The following GLB1 variants were observed in gnomAD, a reference collection of about 807,000 sequenced individuals.
GLB1 encodes the protein galactosidase beta 1, also known as beta-galactosidase.
A neutral mutation model predicts 74.0 loss-of-function variants in GLB1; 56 were observed. The ratio of observed to expected loss-of-function variants is 0.76; its 90% CI spans 0.61 to 0.94. GLB1 has a LOEUF of 0.94. GLB1 is among the 40% of genes least tolerant of loss of function. GLB1 has a pLI of 0.00. For missense variants in GLB1, 787 were observed against 845.5 expected (o/e 0.93, Z 0.86); for synonymous variants, 323 against 323.6 (o/e 1.00, Z 0.02).
intron 15 of GLB1, among the ~76,000 whole-genome samples, chr3:33,008,201 G>T (rs1387876471): frequency 6.6e-6 from 1 of 152,126 alleles, no homozygotes; most frequent in African/African-American, 2.4e-5. Flanking sequence ...GAGGGATCGA[G>T]GGAACAAGAA....
At chr3:33,020,657 T>A (rs1697429957) in intron 12 of GLB1, among the ~76,000 whole-genome samples, 1 of 152,210 alleles carries the variant, frequency 6.6e-6, no homozygotes, top group Non-Finnish European at 1.5e-5. Flanking sequence ...TGTGTGATTA[T>A]GGATTGGAAA....
At position 33,093,256 on chromosome 3, in the gene GLB1, G is replaced by C. The variant is rs199671218; in HGVS notation, c.75+3755C>G. 5.6e-6 allele frequency: 9 copies of C among 1,614,036 alleles called. No individual in the cohort carries two copies. The highest frequency in any genetic ancestry group is 1.7e-5 in the Admixed American group (1 of 60,006). On this transcript the variant is annotated intron_variant, in intron 1 of 15. Transcript: ENST00000307363. The surrounding 1 kb of genome is among the most constrained non-coding windows in gnomAD (Gnocchi z 6.0). ...CCACTGCCACTGCCACCACCACCAC[G>C]TTGGGCCCGTGTGGCGGAAATCTTC...
chr3:33,005,546 C>G (rs1696750779), intron 15 of GLB1, among the ~76,000 whole-genome samples: 1 of 152,142 alleles, frequency 6.6e-6, no homozygotes, highest in Non-Finnish European at 1.5e-5. Context: ...GTTTTACATA[C>G]TCTTTTCTGG....
At chr3:33,092,500 T>C in intron 1 of GLB1, 1 of 1,078,316 alleles carries the variant, frequency 9.3e-7, no homozygotes, top group Non-Finnish European at 1.1e-6. Flanking sequence ...TATGCCTTTC[T>C]AGCAACCCCG....
At chr3:32,984,309 A>AG in the GLB1 span, among the ~76,000 whole-genome samples, 3 of 151,838 alleles carry the variant, frequency 2.0e-5, no homozygotes, top group African/African-American at 4.9e-5. Flanking sequence ...GGCGTTGCTC[A>AG]GGGGGGAATT....
intron 10 of GLB1, among the ~76,000 whole-genome samples, chr3:33,041,387 C>A (rs1698492076): frequency 6.6e-6 from 1 of 152,146 alleles, no homozygotes; most frequent in Non-Finnish European, 1.5e-5. Context: ...TGAGGCCGGG[C>A]ATGGTGGCTC....
chr3:32,997,021 C>T lies in GLB1; in HGVS notation c.*24G>A. On this transcript the variant is annotated 3_prime_UTR_variant, in exon 16 of 16. Coordinates refer to ENST00000307363, the MANE Select transcript of GLB1 (RefSeq NM_000404.4). Reference sequence around the variant, plus strand: ...TGTGAGGTATGTTCAGGGTAGAATCCCTCAAAGACACAGGCTTTCATCATC... The same window carrying T: ...TGTGAGGTATGTTCAGGGTAGAATCTCTCAAAGACACAGGCTTTCATCATC... 1 of 1,614,062 alleles carries T rather than the reference C, an allele frequency of 6.2e-7. No individual in the cohort carries two copies. The highest frequency in any genetic ancestry group is 8.5e-7 in the Non-Finnish European group (1 of 1,180,028).
At chr3:33,060,671 A>T (rs1432348432) in intron 5 of GLB1, among the ~76,000 whole-genome samples, 1 of 148,764 alleles carries the variant, frequency 6.7e-6, no homozygotes, top group Non-Finnish European at 1.5e-5. Context: ...TAAAATAAAC[A>T]GGCTTGTAAA....
At chr3:32,963,711 A>G in the GLB1 span, among the ~76,000 whole-genome samples, 19 of 152,244 alleles carry the variant, frequency 1.2e-4, no homozygotes, top group Non-Finnish European at 2.5e-4. Flanking sequence ...AATGTCCATA[A>G]TATCTTAAGT....
chr3:33,089,647 G>A (rs985324638), intron 1 of GLB1, among the ~76,000 whole-genome samples: 28 of 152,210 alleles, frequency 1.8e-4, no homozygotes, highest in Middle Eastern at 3.4e-3. Context: ...AAATAAGCCC[G>A]CCACAAAAAG....
chr3:33,062,099 G>T (rs1699466149), intron 5 of GLB1, among the ~76,000 whole-genome samples: 1 of 152,178 alleles, frequency 6.6e-6, no homozygotes, highest in South Asian at 2.1e-4. Flanking sequence ...ATCAAGAATT[G>T]AGGAAAGCCA....
the GLB1 span, among the ~76,000 whole-genome samples, chr3:32,967,648 C>A: frequency 6.6e-6 from 1 of 151,648 alleles, no homozygotes; most frequent in East Asian, 1.9e-4. Flanking sequence ...CCTCCTGAAC[C>A]CCATCGGTCT....
chr3:33,016,515 C>G (rs1410967267), intron 14 of GLB1, among the ~76,000 whole-genome samples, 194 bp downstream of exon 14: 4 of 152,138 alleles, frequency 2.6e-5, no homozygotes, highest in Admixed American at 2.6e-4. Flanking sequence ...TGTCACCACA[C>G]CTGGCTAAGT....
At chr3:33,052,727 T>G (rs1699047580) in intron 7 of GLB1, 1 of 153,410 alleles carries the variant, frequency 6.5e-6, no homozygotes, top group Non-Finnish European at 1.5e-5. Context: ...CTTGTCCCAG[T>G]ATTCTGCAAA....
chr3:32,999,453 C>A (rs1319333257), intron 15 of GLB1, among the ~76,000 whole-genome samples: 1 of 152,158 alleles, frequency 6.6e-6, no homozygotes, highest in Non-Finnish European at 1.5e-5. Context: ...AACTCTTGAC[C>A]AAATCGCAGG....
At chr3:32,981,416 AG>A in the GLB1 span, among the ~76,000 whole-genome samples, 12,437 of 141,162 alleles carry the variant, frequency 0.088, 640 homozygotes, top group African/African-American at 0.14. Context: ...AAAAAAAAAA[AG>A]AAAAAGAAAA....
At chr3:33,054,264 C>T (rs1275241930) in intron 6 of GLB1, among the ~76,000 whole-genome samples, 1 of 152,164 alleles carries the variant, frequency 6.6e-6, no homozygotes, top group African/African-American at 2.4e-5. Context: ...GCAGCCCACA[C>T]TGACTAAGAC....
chr3:33,058,207 C>T lies in GLB1; in HGVS notation c.615G>A (p.Lys205=), dbSNP rs1427461485. 1 of 1,614,138 alleles carries T rather than the reference C, an allele frequency of 6.2e-7. No homozygotes were observed. The highest frequency in any genetic ancestry group is 1.1e-5 in the South Asian group (1 of 91,086). ...CATCCCCCAGATGGTGGCGAAAGCG[C>T]TTCTGCAGGAAGCGCAGGTAGTCAA... ...CDFDYLRFLQ[K]RFRHHLGDDV... Residue 205 remains lysine (K), a synonymous_variant, in exon 6 of 16, where the codon AAG becomes AAA. Coordinates refer to ENST00000307363, the MANE Select transcript of GLB1 (RefSeq NM_000404.4).
intron 10 of GLB1, chr3:33,033,778 CAAAAA>C (rs60962107): frequency 1.8e-3 from 318 of 180,740 alleles, no homozygotes; most frequent in South Asian, 2.8e-3. Context: ...GAGACTGTCT[CAAAAA>C]AAAAAAAAAA....
Sources: gnomAD v4.1 joint callset for allele counts (sites outside exome capture counted in the v4.1 genomes callset) on GRCh38, gnomAD v4.1.1 for gene constraint, Gnocchi (gnomAD v3.1) non-coding constraint, MANE v1.5 for transcripts, NCBI Gene and HGNC (gene_info 2026-07-23, HGNC 2026-07-21) for gene names.